DST: variants seen among roughly 807,000 people sequenced by gnomAD.
DST encodes dystonin.
In DST, 253 loss-of-function variants were observed where a neutral mutation model predicts 875.2. That is an observed-to-expected ratio of 0.29 (90% confidence interval 0.26 to 0.32). The LOEUF (loss-of-function observed/expected upper bound fraction) is 0.32. DST is among the 10% of genes least tolerant of loss of function. The pLI is 1.00. For synonymous variants in DST, 3,124 were observed against 3,197.1 expected, an observed-to-expected ratio of 0.98 and a Z score of 0.77; for missense variants, 8,287 against 9,111.6, an observed-to-expected ratio of 0.91 and a Z score of 3.68.
In DST at chr6:56,459,265, A is replaced by T; in HGVS notation, c.23197T>A (p.Ser7733Thr). Residue 7733 changes from serine to threonine, a missense_variant and splice_region_variant, in exon 104 of 104, where the codon TCC (serine) becomes ACC (threonine). Physicochemically the swap from Ser to Thr is moderately conservative, Grantham distance 58. This residue lies in a region of DST where 240 missense variants were observed against 237.3 expected (regional missense o/e 1.01). Coordinates refer to ENST00000680361, the MANE Select transcript of DST (RefSeq NM_001374736.1). ...CCTGGTCGGCTGGGAGTCTTCTTGG[A>T]ATCTGAGGAAAGAAGGTAGAGACAG... is the stretch of plus-strand genomic sequence containing the variant. ...AARVRTQFAD[S>T]KKTPSRPGSR... 6.2e-7 allele frequency: 1 copy of T among 1,611,476 alleles called. No homozygotes were observed. The highest frequency in any genetic ancestry group is 2.2e-5 in the East Asian group (1 of 44,840).
At chr6:56,722,766 G>A (rs926993400) in intron 5 of DST, among the ~76,000 whole-genome samples, 6 of 152,174 alleles carry the variant, frequency 3.9e-5, no homozygotes, top group African/African-American at 1.4e-4. Context: ...ATAAAAAGCG[G>A]CTATAAAGGT....
At chr6:56,469,230 C>G (rs2094752879) in intron 97 of DST, among the ~76,000 whole-genome samples, 2 of 151,700 alleles carry the variant, frequency 1.3e-5, no homozygotes, top group African/African-American at 4.8e-5. Context: ...ATTTTGAATA[C>G]ATTGATGATT....
Position 56,654,586 on chromosome 6 carries a change from C to CTATATATATATATATATATA in DST, c.1215-3343_1215-3342insTATATATATATATATATATA, listed in dbSNP as rs138507484. Among the ~76,000 whole-genome samples the CTATATATATATATATATATA allele has an allele frequency of 1.5e-3, 195 of 133,258 alleles. 1 individual carries two copies. Among genetic ancestry groups the CTATATATATATATATATATA allele is most frequent in the African/African-American group, 3.8e-3 (111 of 28,994 alleles). 87.4% of individuals were successfully genotyped at this position (133,258 alleles called of 152,430 possible). A position where few individuals can be genotyped will look rare whatever the true frequency, so the allele number is the denominator to read the frequency against. ...TCTTAAAAGAGCAATCTCCCCTAGGCTATATATATATATATATATCTCCAC... is the reference window on the plus strand; with the variant it reads ...TCTTAAAAGAGCAATCTCCCCTAGGCTATATATATATATATATATATATATATATATATATATATCTCCAC... On this transcript the variant is annotated intron_variant, in intron 10 of 103. Transcript: ENST00000680361.
At chr6:56,924,599 T>C (rs1193360577) in intron 2 of DST, among the ~76,000 whole-genome samples, 3 of 152,170 alleles carry the variant, frequency 2.0e-5, no homozygotes, top group Non-Finnish European at 2.9e-5. Context: ...GCTTTGGTCA[T>C]CTTCGATTTC....
At chr6:56,952,426 C>T (rs1226191763) in intron 2 of DST, among the ~76,000 whole-genome samples, 1 of 152,152 alleles carries the variant, frequency 6.6e-6, no homozygotes, top group East Asian at 1.9e-4. Flanking sequence ...ATTTACTTCT[C>T]ATCACATCTG....
chr6:56,515,588 T>A lies in DST; in HGVS notation c.18438A>T (p.Ala6146=). The change falls in exon 72 of 104, where the codon GCA becomes GCT. Residue 6146 remains alanine (A), a synonymous_variant. Coordinates refer to ENST00000680361, the MANE Select transcript of DST (RefSeq NM_001374736.1). The part of the protein sequence containing the change: ...NSERYLQLER[A]QSLVNQFWET... ...CCCAGAATTGGTTAACCAGGGACTGTGCCCGTTCCAGCTGCAGATACCTTT... is the reference window on the plus strand; with the variant it reads ...CCCAGAATTGGTTAACCAGGGACTGAGCCCGTTCCAGCTGCAGATACCTTT... The A allele has an allele frequency of 6.2e-7, 1 of 1,613,906 alleles. No individual in the cohort carries two copies. Among genetic ancestry groups the A allele is most frequent in the Non-Finnish European group, 8.5e-7 (1 of 1,179,828 alleles).
At chr6:56,947,037 C>T (rs1192404538) in intron 2 of DST, among the ~76,000 whole-genome samples, 1 of 152,066 alleles carries the variant, frequency 6.6e-6, no homozygotes, top group Non-Finnish European at 1.5e-5. Flanking sequence ...CAGAATATAA[C>T]CCAATGATGC....
Position 56,633,135 on chromosome 6 carries a change from G to A in DST, c.3622-98C>T, listed in dbSNP as rs191384517. On this transcript the variant is annotated intron_variant, in intron 27 of 103. Transcript: ENST00000680361. Reference sequence around the variant, plus strand: ...TCGTGTGGTATATGCCAATCTAAACGAATAATCATAAATAGGAACATTTGA... The same window carrying A: ...TCGTGTGGTATATGCCAATCTAAACAAATAATCATAAATAGGAACATTTGA... The A allele has an allele frequency of 5.2e-4, 472 of 913,112 alleles. 2 individuals are homozygous for A. In the African/African-American group the frequency reaches 6.5e-3, roughly 13 times the overall value. 56.6% of individuals were successfully genotyped at this position (913,112 alleles called of 1,614,324 possible).
At chr6:56,925,339 T>A (rs1307774526) in intron 2 of DST, among the ~76,000 whole-genome samples, 1 of 152,160 alleles carries the variant, frequency 6.6e-6, no homozygotes, top group African/African-American at 2.4e-5. Context: ...TTAAAAAACA[T>A]ACAGTCGAAA....
At chr6:56,593,579 G>A (rs2098325662) in intron 48 of DST, 84 bp downstream of exon 48, 1 of 1,164,172 alleles carries the variant, frequency 8.6e-7, no homozygotes, top group Non-Finnish European at 1.2e-6. Context: ...TGGATTTTAG[G>A]TTTCTTGCCT....
intron 10 of DST, among the ~76,000 whole-genome samples, chr6:56,669,056 C>G (rs1190814969): frequency 1.3e-5 from 2 of 151,824 alleles, no homozygotes; most frequent in Non-Finnish European, 1.5e-5. Flanking sequence ...AATAACAATT[C>G]CTGCTTTATG....
chr6:56,947,868 C>A (rs2127807098), intron 2 of DST, among the ~76,000 whole-genome samples: 1 of 152,016 alleles, frequency 6.6e-6, no homozygotes, highest in Middle Eastern at 3.4e-3. Context: ...CACTTATCCA[C>A]CACAGATCCA....
chr6:56,657,570 G>C (rs761598727), intron 10 of DST, among the ~76,000 whole-genome samples: 1 of 152,086 alleles, frequency 6.6e-6, no homozygotes, highest in Non-Finnish European at 1.5e-5. Flanking sequence ...GGTTGTCAAC[G>C]GGTGGGGGGA....
rs1210550412 is a variant in DST at position 56,605,700 on chromosome 6, C to T, written c.8928G>A (p.Val2976=). Reference sequence around the variant, plus strand: ...TCTTAAAATATTCATCTTTACCTTTCACAGAATCAGTCAATTCTGGCAATT... The same window carrying T: ...TCTTAAAATATTCATCTTTACCTTTTACAGAATCAGTCAATTCTGGCAATT... ...GSELPELTDS[V]KGKDEYFKNM... is the part of the protein sequence containing the mutation. The change falls in exon 40 of 104, where the codon GTG becomes GTA. Residue 2976 remains valine, a synonymous_variant. Coordinates refer to ENST00000680361, the MANE Select transcript of DST (RefSeq NM_001374736.1). The T allele has an allele frequency of 5.0e-6, 8 of 1,612,886 alleles. No homozygotes were observed. The East Asian group carries it at 1.8e-4, about 36-fold the overall frequency.
intron 4 of DST, among the ~76,000 whole-genome samples, chr6:56,804,705 A>G (rs1428053349): frequency 6.6e-6 from 1 of 150,988 alleles, no homozygotes; most frequent in Non-Finnish European, 1.5e-5. Flanking sequence ...TCCTCCCCAG[A>G]TCTTGTTAGA....
rs1214696191 is a variant in DST, at chr6:56,537,063, T to G, written c.16609-123A>C. 4 of 817,400 alleles carry G rather than the reference T, an allele frequency of 4.9e-6. No individual in the cohort carries two copies. The African/African-American group carries it at 6.9e-5, about 14-fold the overall frequency. The allele number at this position is 817,400 out of a possible 1,614,324, so 50.6% of individuals were successfully genotyped here. A position where few individuals can be genotyped will look rare whatever the true frequency, so the allele number is the denominator to read the frequency against. The stretch of plus-strand genomic sequence containing the variant: ...CAATTATTACAGAGGTAAAGATAAT[T>G]TTTATTGTCTAGCCATAGGTCATAG... On this transcript the variant is annotated intron_variant, in intron 61 of 103. Transcript: ENST00000680361.
In DST at chr6:56,714,432, A is replaced by G. The variant is rs2099388026; in HGVS notation, c.688-10063T>C. Among the ~76,000 whole-genome samples the G allele has an allele frequency of 6.6e-6, 1 of 152,236 alleles. No individual in the cohort carries two copies. Among genetic ancestry groups the G allele is most frequent in the South Asian group, 2.1e-4 (1 of 4,830 alleles). On this transcript the variant is annotated intron_variant, in intron 5 of 103. Coordinates refer to ENST00000680361, the MANE Select transcript of DST (RefSeq NM_001374736.1). This position sits in a 1 kb window ranked among gnomAD's most constrained non-coding sequence, Gnocchi z 4.5. ...AGATCTCCGGACCACAGATGCTTAA[A>G]AACTAGTTTTCCCAGTTGTAAAAGC...
In DST at chr6:56,459,305, T is replaced by C. The variant is rs373384542; in HGVS notation, c.23195-38A>G. Reference sequence around the variant, plus strand: ...GGTAGAGACAGCTCACCCTTATTATTGGGTCCATCTGCAACTAATTTTTGA... The same window carrying C: ...GGTAGAGACAGCTCACCCTTATTATCGGGTCCATCTGCAACTAATTTTTGA... On this transcript the variant is annotated intron_variant, in intron 103 of 103. Coordinates refer to ENST00000680361, the MANE Select transcript of DST (RefSeq NM_001374736.1). The C allele has an allele frequency of 3.2e-5, 50 of 1,571,774 alleles. No homozygotes were observed. In the African/African-American group the frequency reaches 6.2e-4, roughly 20 times the overall value.
At chr6:56,477,636 G>A in intron 90 of DST, 148 bp from the exon 91 acceptor site, 1 of 988,574 alleles carries the variant, frequency 1.0e-6, no homozygotes, top group Non-Finnish European at 1.5e-6. Flanking sequence ...AATTGGGGAG[G>A]AAAAGGGGAC....
Sources: gnomAD v4.1 joint callset for allele counts (sites outside exome capture counted in the v4.1 genomes callset) on GRCh38, gnomAD v4.1.1 for gene constraint, gnomAD v4.1.1 regional missense constraint, Gnocchi (gnomAD v3.1) non-coding constraint, MANE v1.5 for transcripts, NCBI Gene and HGNC (gene_info 2026-07-23, HGNC 2026-07-21) for gene names.